Variants in MYSM1 observed in about 807,000 individuals in gnomAD.
MYSM1 encodes Myb like, SWIRM and MPN domains 1.
In MYSM1, 51 loss-of-function variants were observed where a neutral mutation model predicts 116.0. That is an observed-to-expected ratio of 0.44 (90% CI 0.35 to 0.56). The LOEUF (loss-of-function observed/expected upper bound fraction) is 0.56. Ranked by LOEUF, MYSM1 falls within the 20% of genes least tolerant of loss-of-function variation. The pLI, the probability that MYSM1 is intolerant of heterozygous loss-of-function variation, is 0.00. For synonymous variants in MYSM1, 313 were observed against 315.2 expected (o/e 0.99, Z 0.07); for missense variants, 900 against 974.9 (o/e 0.92, Z 1.02).
chr1:58,665,041 T>C (rs566236743), intron 17 of MYSM1, among the ~76,000 whole-genome samples: 3 of 152,228 alleles, frequency 2.0e-5, no homozygotes, highest in African/African-American at 4.8e-5. Flanking sequence ...TTTCCTGAGA[T>C]AGAATGGGAA....
intron 13 of MYSM1, 128 bp from the exon 14 acceptor site, chr1:58,668,810 G>A: frequency 1.0e-6 from 1 of 997,760 alleles, no homozygotes; most frequent in Non-Finnish European, 1.5e-6. Flanking sequence ...CCAAAGCTCA[G>A]CACAAACTAG....
At chr1:58,688,394 A>G (rs935395389) in intron 6 of MYSM1, among the ~76,000 whole-genome samples, 2 of 151,728 alleles carry the variant, frequency 1.3e-5, no homozygotes, top group African/African-American at 4.8e-5. Flanking sequence ...AGGAAAAGAT[A>G]TAAACTAATC....
intron 6 of MYSM1, 130 bp downstream of exon 6, chr1:58,688,905 CAGA>C: frequency 1.4e-6 from 1 of 714,540 alleles, no homozygotes. Context: ...ACTCTAACTA[CAGA>C]AGAACTAAAG....
chr1:58,677,058 T>C lies in MYSM1; in HGVS notation c.1260-2A>G, dbSNP rs1644664899. 8 of 1,593,430 alleles carry C rather than the reference T, an allele frequency of 5.0e-6. No individual in the cohort carries two copies. The highest frequency in any genetic ancestry group is 6.8e-6 in the Non-Finnish European group (8 of 1,171,664). On this transcript the variant is annotated splice_acceptor_variant, in intron 8 of 19. Coordinates refer to ENST00000472487, the MANE Select transcript of MYSM1 (RefSeq NM_001085487.3). LOFTEE classifies it high-confidence loss of function. ...AAGTATTTTGGTTTGCATATCTCCC[T>C]AATTAAGAGACAGAAGTACAATTAT... is the stretch of plus-strand genomic sequence containing the variant.
intron 12 of MYSM1, 79 bp downstream of exon 12, chr1:58,671,791 C>T: frequency 9.8e-7 from 1 of 1,019,050 alleles, no homozygotes; most frequent in Non-Finnish European, 1.5e-6. Context: ...CAATATAATG[C>T]AGCTATTGAA....
At chr1:58,677,132 T>C (rs972719076) in intron 8 of MYSM1, 76 bp from the exon 9 acceptor site, 1 of 1,283,012 alleles carries the variant, frequency 7.8e-7, no homozygotes, top group African/African-American at 1.5e-5. Flanking sequence ...AAACTTTCAA[T>C]ATTTGAAATA....
Position 58,682,030 on chromosome 1 carries a change from C to T in MYSM1, c.1014G>A (p.Leu338=). The T allele has an allele frequency of 1.2e-6, 2 of 1,614,148 alleles. No individual in the cohort carries two copies. The highest frequency in any genetic ancestry group is 1.7e-6 in the Non-Finnish European group (2 of 1,180,020). ...GAATTTCACAAGGCTCTGGAGAAGG[C>T]AACTGCCTGGCATCAACTATTATTC... ...GRGIIVDARQ[L]PSPEPCEIQK... Residue 338 remains leucine, a synonymous_variant, in exon 8 of 20, where the codon TTG becomes TTA. Transcript: ENST00000472487.
chr1:58,660,022 T>G lies in MYSM1; in HGVS notation c.2462A>C (p.Asn821Thr). 2 of 1,602,162 alleles carry G rather than the reference T, an allele frequency of 1.2e-6. No homozygotes were observed. Among genetic ancestry groups the G allele is most frequent in the Non-Finnish European group, 1.7e-6 (2 of 1,173,908 alleles). The part of the protein sequence containing the change: ...SNQENGVTEE[N>T]CTKELLM ...TCACATTAACAATTCCTTTGTACAG[T>G]TCTCTTCGGTTACTCCATTCTCTTG... The change falls in exon 20 of 20, where the codon AAC becomes ACC. Residue 821 changes from asparagine (N) to threonine (T), a missense_variant. Physicochemically the swap from Asn to Thr is moderately conservative, Grantham distance 65 (BLOSUM62 0). Transcript: ENST00000472487.
At chr1:58,670,997 T>G (rs1015953847) in intron 12 of MYSM1, among the ~76,000 whole-genome samples, 1 of 152,234 alleles carries the variant, frequency 6.6e-6, no homozygotes, top group African/African-American at 2.4e-5. Flanking sequence ...ATTTTTTACA[T>G]AGTTTATCTA....
At chr1:58,679,344 A>G (rs1423593267) in intron 8 of MYSM1, among the ~76,000 whole-genome samples, 1 of 152,228 alleles carries the variant, frequency 6.6e-6, no homozygotes, top group East Asian at 1.9e-4. Context: ...TGACTTAGGA[A>G]ACTATTGCCA....
At chr1:58,679,984 G>A (rs1331142553) in intron 8 of MYSM1, among the ~76,000 whole-genome samples, 1 of 146,502 alleles carries the variant, frequency 6.8e-6, no homozygotes, top group Non-Finnish European at 1.5e-5. Flanking sequence ...CTGAGATCAT[G>A]CCAAGGCACT....
intron 5 of MYSM1, 32 bp from the exon 6 acceptor site, chr1:58,689,148 T>A: frequency 2.6e-6 from 4 of 1,544,524 alleles, no homozygotes; most frequent in Non-Finnish European, 3.5e-6. Flanking sequence ...GCAAAAAAAA[T>A]TTCTGAAATG....
chr1:58,678,898 A>G (rs565932661), intron 8 of MYSM1, among the ~76,000 whole-genome samples: 1 of 152,314 alleles, frequency 6.6e-6, no homozygotes, highest in South Asian at 2.1e-4. Context: ...GCAGACTCCA[A>G]TATCTCCTTT....
chr1:58,684,058 C>T (rs1196930835), intron 7 of MYSM1, among the ~76,000 whole-genome samples: 8 of 152,038 alleles, frequency 5.3e-5, no homozygotes, highest in Admixed American at 5.2e-4. Flanking sequence ...GGTGAGCTGC[C>T]TTGAAAATGC....
intron 10 of MYSM1, 68 bp downstream of exon 10, chr1:58,675,409 G>A (rs1644634887): frequency 1.8e-6 from 2 of 1,123,432 alleles, no homozygotes; most frequent in Non-Finnish European, 2.7e-6. Context: ...CTCAAGGTAA[G>A]TACGTAAACC....
intron 7 of MYSM1, among the ~76,000 whole-genome samples, chr1:58,684,567 AAAAAAAAAAAAAG>A (rs947959688): frequency 6.6e-6 from 1 of 150,602 alleles, no homozygotes; most frequent in African/African-American, 2.4e-5. Flanking sequence ...TCTGTCTCAA[AAAAAAAAAAAAAG>A]AAAAAAAAAA....
intron 10 of MYSM1, among the ~76,000 whole-genome samples, chr1:58,674,179 G>A (rs1201887584): frequency 6.6e-6 from 1 of 152,074 alleles, no homozygotes; most frequent in Non-Finnish European, 1.5e-5. Flanking sequence ...ATATTTTTAA[G>A]ATCAAAAAGA....
At chr1:58,676,857 T>A in intron 9 of MYSM1, 69 bp downstream of exon 9, 1 of 1,514,910 alleles carries the variant, frequency 6.6e-7, no homozygotes, top group East Asian at 2.4e-5. Flanking sequence ...CTAACCATCA[T>A]AGAAATGAAT....
At chr1:58,676,902 ATGT>A (rs753863444) in intron 9 of MYSM1, 21 bp downstream of exon 9, 17 of 1,605,864 alleles carry the variant, frequency 1.1e-5, no homozygotes, top group African/African-American at 1.3e-5. Context: ...CGAGTAAAAG[ATGT>A]TGTTGGGTTT....
Sources: allele counts gnomAD v4.1 joint callset (sites outside exome capture counted in the v4.1 genomes callset), GRCh38; gene constraint gnomAD v4.1.1; transcripts MANE v1.5; gene names NCBI Gene and HGNC (gene_info 2026-07-23, HGNC 2026-07-21).